CEP83: variants seen among roughly 807,000 people sequenced by gnomAD.
CEP83 encodes centrosomal protein 83.
CEP83 carries 70 observed loss-of-function variants against 101.9 expected under a neutral mutation model. That is an observed-to-expected ratio of 0.69 (90% confidence interval 0.57 to 0.84). The LOEUF (loss-of-function observed/expected upper bound fraction) is 0.84. Among genes scored for constraint, CEP83 ranks in the 40% least tolerant of loss-of-function variants. The pLI, the probability that CEP83 is intolerant of heterozygous loss-of-function variation, is 0.00. For synonymous variants in CEP83, 264 were observed against 267.9 expected, an observed-to-expected ratio of 0.99 and a Z score of 0.14; for missense variants, 715 against 787.2, an observed-to-expected ratio of 0.91 and a Z score of 1.10.
chr12:94,316,950 T>C (rs374045888), intron 14 of CEP83, among the ~76,000 whole-genome samples: 4 of 152,296 alleles, frequency 2.6e-5, no homozygotes, highest in Admixed American at 6.5e-5. Context: ...AGTAATGGGA[T>C]TGCTGGGTCC....
chr12:94,288,224 G>A, the CEP83 span, among the ~76,000 whole-genome samples: 2 of 152,228 alleles, frequency 1.3e-5, no homozygotes, highest in African/African-American at 2.4e-5. Flanking sequence ...GTGTCTGTGA[G>A]TTTATCAAAA....
Position 94,403,793 on chromosome 12 carries a change from G to A in CEP83, c.325-531C>T, listed in dbSNP as rs771172996. Reference sequence around the variant, plus strand: ...TGGGAAAACACAGTCTTTATTCACCGTTGTATTCCCAATACCTCCCACCAA... The same window carrying A: ...TGGGAAAACACAGTCTTTATTCACCATTGTATTCCCAATACCTCCCACCAA... On this transcript the variant is annotated intron_variant, in intron 4 of 16. Coordinates refer to ENST00000397809, the MANE Select transcript of CEP83 (RefSeq NM_016122.3). Among the ~76,000 whole-genome samples the A allele has an allele frequency of 4.7e-5, 7 of 150,360 alleles. No individual in the cohort carries two copies. The East Asian group carries it at 9.8e-4, about 21-fold the overall frequency.
At chr12:94,352,846 T>C (rs1049779796) in intron 11 of CEP83, among the ~76,000 whole-genome samples, 3 of 152,204 alleles carry the variant, frequency 2.0e-5, no homozygotes, top group Admixed American at 6.5e-5. Context: ...ATGAGACTTA[T>C]GTGACACCAT....
chr12:94,284,083 AG>A, the CEP83 span, among the ~76,000 whole-genome samples: 2 of 131,192 alleles, frequency 1.5e-5, no homozygotes. Flanking sequence ...ACTCCATGTC[AG>A]GGGAAAAAAA....
chr12:94,420,521 G>A (rs2064643349), intron 2 of CEP83, among the ~76,000 whole-genome samples: 1 of 152,146 alleles, frequency 6.6e-6, no homozygotes, highest in South Asian at 2.1e-4. Flanking sequence ...TTTGAACGCA[G>A]CCCAATACAA....
At chr12:94,417,555 G>A (rs1038463324) in intron 2 of CEP83, among the ~76,000 whole-genome samples, 1 of 152,076 alleles carries the variant, frequency 6.6e-6, no homozygotes, top group African/African-American at 2.4e-5. Flanking sequence ...TTGGGAGGCC[G>A]AGGCAGGTGG....
chr12:94,371,078 T>G (rs779872906), intron 8 of CEP83, among the ~76,000 whole-genome samples: 7 of 152,200 alleles, frequency 4.6e-5, no homozygotes, highest in Non-Finnish European at 1.0e-4. Context: ...AATGTTATTA[T>G]ATGTATAACA....
At chr12:94,294,672 A>G in the CEP83 span, 2 of 569,478 alleles carry the variant, frequency 3.5e-6, no homozygotes, top group Non-Finnish European at 3.3e-6. Flanking sequence ...AAGTTGAGAA[A>G]AGTCATTTTG....
chr12:94,290,049 G>A, the CEP83 span, among the ~76,000 whole-genome samples: 5 of 152,210 alleles, frequency 3.3e-5, no homozygotes, highest in Admixed American at 6.5e-5. Context: ...AGGCCCATCC[G>A]AGGTATTTGT....
At chr12:94,406,338 AAAC>A (rs1378741763) in intron 4 of CEP83, among the ~76,000 whole-genome samples, 1 of 150,994 alleles carries the variant, frequency 6.6e-6, no homozygotes, top group Non-Finnish European at 1.5e-5. Context: ...AAACAAAACA[AAAC>A]AAAACAAAAA....
chr12:94,300,380 G>A, the CEP83 span, among the ~76,000 whole-genome samples: 11 of 152,138 alleles, frequency 7.2e-5, no homozygotes, highest in African/African-American at 1.9e-4. Context: ...GCAGACAGAC[G>A]CCAAGAGCAC....
chr12:94,390,076 C>T (rs2062423341), intron 6 of CEP83, among the ~76,000 whole-genome samples: 1 of 152,244 alleles, frequency 6.6e-6, no homozygotes, highest in Non-Finnish European at 1.5e-5. Context: ...CTTCCGCAAA[C>T]TTAAACATCC....
At chr12:94,376,692 C>T (rs5800154) in intron 7 of CEP83, among the ~76,000 whole-genome samples, 11,050 of 55,850 alleles carry the variant, frequency 0.2, 537 homozygotes, top group Non-Finnish European at 0.25. Flanking sequence ...TACATATATA[C>T]ACACACACAC....
downstream of CEP83, chr12:94,305,105 A>C (rs1241118490): frequency 1.2e-6 from 1 of 822,016 alleles, no homozygotes; most frequent in Non-Finnish European, 2.0e-6. Context: ...TACCACTCAC[A>C]GCATCAGGTA....
At chr12:94,326,166 C>T (rs867866583) in intron 14 of CEP83, among the ~76,000 whole-genome samples, 38 of 152,184 alleles carry the variant, frequency 2.5e-4, no homozygotes, top group African/African-American at 9.2e-4. Context: ...GGCTGGTGAC[C>T]ACATTGACTT....
At chr12:94,309,274 A>C (rs1042621892) in intron 16 of CEP83, among the ~76,000 whole-genome samples, 4 of 152,198 alleles carry the variant, frequency 2.6e-5, no homozygotes, top group African/African-American at 4.8e-5. Flanking sequence ...CTGAGATTCA[A>C]TTCAGTGATT....
chr12:94,310,138 A>G (rs781208061), intron 15 of CEP83, 31 bp from the exon 16 acceptor site: 1 of 1,229,740 alleles, frequency 8.1e-7, no homozygotes, highest in Non-Finnish European at 1.2e-6. Flanking sequence ...TTTCTTTAAC[A>G]TGGTTATACC....
rs1477884235 is a variant in CEP83 at position 94,331,766 on chromosome 12, T to G, written c.1641A>C (p.Thr547=). 7.4e-6 allele frequency: 12 copies of G among 1,613,566 alleles called. No homozygotes were observed. The highest frequency in any genetic ancestry group is 1.0e-5 in the Non-Finnish European group (12 of 1,179,432). Reference sequence around the variant, plus strand: ...CTTGATTGTACTTTTCTTCTCTGTCTGTGATACGCTCATGAAGCTTATGCT... The same window carrying G: ...CTTGATTGTACTTTTCTTCTCTGTCGGTGATACGCTCATGAAGCTTATGCT... ...EEKHKLHERI[T]DREEKYNQAK... Residue 547 remains threonine, a synonymous_variant, in exon 14 of 17, where the codon ACA becomes ACC. Coordinates refer to ENST00000397809, the MANE Select transcript of CEP83 (RefSeq NM_016122.3).
downstream of CEP83, chr12:94,305,078 CTG>C: frequency 1.5e-6 from 1 of 674,412 alleles, no homozygotes; most frequent in East Asian, 2.8e-5. Flanking sequence ...ATGTTGGCAT[CTG>C]TTTCATACAG....
Sources: gnomAD v4.1 joint callset for allele counts (sites outside exome capture counted in the v4.1 genomes callset) on GRCh38, gnomAD v4.1.1 for gene constraint, MANE v1.5 for transcripts, NCBI Gene and HGNC (gene_info 2026-07-23, HGNC 2026-07-21) for gene names.